Variants in AK7 observed in about 807,000 individuals in gnomAD.
AK7 encodes the protein adenylate kinase 7, also known as ATP-AMP transphosphorylase 7.
Under a neutral mutation model 96.6 loss-of-function variants are expected in AK7, and 78 were observed. The ratio of observed to expected loss-of-function variants is 0.81; its 90% confidence interval spans 0.67 to 0.97. AK7 has a LOEUF of 0.97. AK7 is among the 50% of genes least tolerant of loss of function. The pLI, the probability that AK7 is intolerant of heterozygous loss-of-function variation, is 0.00. For missense variants in AK7, 855 were observed against 887.9 expected, an observed-to-expected ratio of 0.96 and a Z score of 0.47; for synonymous variants, 302 against 317.2, an observed-to-expected ratio of 0.95 and a Z score of 0.51.
At chr14:96,398,023 C>T in intron 1 of AK7, 52 bp from the exon 2 acceptor site, 1 of 1,560,202 alleles carries the variant, frequency 6.4e-7, no homozygotes, top group Non-Finnish European at 8.7e-7. Flanking sequence ...ATTCACTGGC[C>T]CCCTGACTCT....
intron 16 of AK7, among the ~76,000 whole-genome samples, chr14:96,484,965 A>G (rs1895692751): frequency 6.6e-6 from 1 of 152,210 alleles, no homozygotes; most frequent in African/African-American, 2.4e-5. Flanking sequence ...AGGCAGGCCC[A>G]ATGCACACAT....
At chr14:96,478,746 GGGGGAGGGT>G in intron 15 of AK7, 84 bp downstream of exon 15, 1 of 1,354,988 alleles carries the variant, frequency 7.4e-7, no homozygotes, top group Non-Finnish European at 1.0e-6. Flanking sequence ...TGTGGGGCTG[GGGGGAGGGT>G]GGGGAGTGTA....
chr14:96,475,454 G>A (rs1055767459), intron 14 of AK7, among the ~76,000 whole-genome samples: 1 of 152,164 alleles, frequency 6.6e-6, no homozygotes, highest in African/African-American at 2.4e-5. Flanking sequence ...TGAACCGTTC[G>A]GGACTGGCTA....
rs761961479 is a variant in AK7, at chr14:96,488,384, A to G, written c.*41A>G. The G allele has an allele frequency of 1.3e-6, 2 of 1,579,224 alleles. No individual in the cohort carries two copies. The highest frequency in any genetic ancestry group is 2.3e-5 in the South Asian group (2 of 88,770). On this transcript the variant is annotated 3_prime_UTR_variant, in exon 18 of 18. Coordinates refer to ENST00000267584, the MANE Select transcript of AK7 (RefSeq NM_152327.5). ...GTATTATCTACCTTTACAGAACCAC[A>G]GATCACTTATTATACTTTGAAAAAT...
rs757176422 is a variant in AK7, at chr14:96,456,307, T to A, written c.1099-40T>A. The stretch of plus-strand genomic sequence containing the variant: ...ACCACTCTGTCTAGCTACAGATCAT[T>A]CAGAGCTTGCTGTATGTTCCTTACT... On this transcript the variant is annotated intron_variant, in intron 10 of 17. Coordinates refer to ENST00000267584, the MANE Select transcript of AK7 (RefSeq NM_152327.5). 2.6e-6 allele frequency: 4 copies of A among 1,556,054 alleles called. No individual in the cohort carries two copies. In the South Asian group the frequency reaches 4.5e-5, roughly 18 times the overall value.
At chr14:96,432,930 C>T (rs1393365460) in intron 5 of AK7, among the ~76,000 whole-genome samples, 2 of 151,986 alleles carry the variant, frequency 1.3e-5, no homozygotes, top group Admixed American at 6.6e-5. Flanking sequence ...GGAGGCGGAG[C>T]TTGCAGTGAG....
chr14:96,424,631 A>G (rs919135497), intron 5 of AK7, among the ~76,000 whole-genome samples: 8 of 152,192 alleles, frequency 5.3e-5, no homozygotes, highest in Non-Finnish European at 7.4e-5. Flanking sequence ...CTTCGGTCCT[A>G]TAAAAAACAC....
chr14:96,414,518 C>G (rs535104281), intron 4 of AK7, among the ~76,000 whole-genome samples: 4 of 152,294 alleles, frequency 2.6e-5, no homozygotes, highest in Admixed American at 2.0e-4. Flanking sequence ...GTTGTCATAT[C>G]TGGATGTGAA....
chr14:96,481,153 C>G (rs1895482080), intron 15 of AK7, among the ~76,000 whole-genome samples: 1 of 152,132 alleles, frequency 6.6e-6, no homozygotes, highest in Non-Finnish European at 1.5e-5. Flanking sequence ...TGAAGGGCAA[C>G]TCTGCTGGTC....
intron 10 of AK7, 49 bp from the exon 11 acceptor site, chr14:96,456,298 A>G (rs1039309952): frequency 6.3e-7 from 1 of 1,575,666 alleles, no homozygotes; most frequent in African/African-American, 1.4e-5. Context: ...CTGTCTAGCT[A>G]CAGATCATTC....
intron 4 of AK7, among the ~76,000 whole-genome samples, chr14:96,410,028 GA>G (rs1204490046): frequency 6.6e-6 from 1 of 152,132 alleles, no homozygotes; most frequent in East Asian, 1.9e-4. Flanking sequence ...TCTAATTTCA[GA>G]AATGCTAAAT....
intron 5 of AK7, among the ~76,000 whole-genome samples, chr14:96,435,087 C>T (rs530947657): frequency 2.0e-5 from 3 of 152,110 alleles, no homozygotes; most frequent in African/African-American, 7.2e-5. Context: ...CTCCTTGGTG[C>T]TCTACCTAAC....
intron 6 of AK7, among the ~76,000 whole-genome samples, chr14:96,441,086 G>C (rs991003579): frequency 1.3e-5 from 2 of 151,718 alleles, no homozygotes; most frequent in African/African-American, 4.8e-5. Flanking sequence ...ATGAGGGAAG[G>C]GTAGAGGAAT....
At chr14:96,415,741 A>G (rs1427734621) in intron 4 of AK7, among the ~76,000 whole-genome samples, 1 of 149,362 alleles carries the variant, frequency 6.7e-6, no homozygotes, top group African/African-American at 2.4e-5. Flanking sequence ...TAATACATTA[A>G]TTAAATTAAT....
chr14:96,436,142 T>G (rs77966966), intron 5 of AK7, among the ~76,000 whole-genome samples: 3,873 of 152,314 alleles, frequency 0.025, 58 homozygotes, highest in Non-Finnish European at 0.031. Context: ...TGTCTTGGAC[T>G]GTGGGAAGGC....
chr14:96,449,104 A>G (rs1193239971), intron 8 of AK7, among the ~76,000 whole-genome samples: 1 of 152,088 alleles, frequency 6.6e-6, no homozygotes, highest in Admixed American at 6.6e-5. Flanking sequence ...ATCCTTTTAT[A>G]AGACACTAAT....
intron 10 of AK7, among the ~76,000 whole-genome samples, chr14:96,455,341 C>T (rs1566795669): frequency 2.6e-5 from 4 of 151,960 alleles, no homozygotes; most frequent in Admixed American, 1.3e-4. Context: ...AAAAATCAGA[C>T]GAACATGGTG....
intron 6 of AK7, 58 bp downstream of exon 6, chr14:96,437,973 A>G: frequency 1.3e-6 from 2 of 1,506,438 alleles, no homozygotes; most frequent in Non-Finnish European, 1.8e-6. Flanking sequence ...ACAGATACGC[A>G]ATTTGAAGGT....
At chr14:96,400,566 T>A (rs1178409035) in intron 2 of AK7, among the ~76,000 whole-genome samples, 1 of 152,244 alleles carries the variant, frequency 6.6e-6, no homozygotes, top group Non-Finnish European at 1.5e-5. Flanking sequence ...CTTCCTGGGC[T>A]CTGCCCTCCT....
Sources: allele counts gnomAD v4.1 joint callset (sites outside exome capture counted in the v4.1 genomes callset), GRCh38; gene constraint gnomAD v4.1.1; transcripts MANE v1.5; gene names NCBI Gene and HGNC (gene_info 2026-07-23, HGNC 2026-07-21).